Variants in SNU13 observed in about 807,000 individuals in gnomAD.
The protein encoded by SNU13 is small nuclear ribonucleoprotein 13.
SNU13 carries 2 observed loss-of-function variants against 12.4 expected under a neutral mutation model. That is an observed-to-expected ratio of 0.16 (90% CI 0.07 to 0.51). The LOEUF (loss-of-function observed/expected upper bound fraction) is 0.51. SNU13 is among the 20% of genes least tolerant of loss of function. The probability of loss-of-function intolerance (pLI) is 0.96; values close to 1 mark genes in which losing one functional copy is unlikely to be tolerated. For missense variants in SNU13, 66 were observed against 157.8 expected (o/e 0.42, Z 3.12); for synonymous variants, 68 against 66.5 (o/e 1.02, Z -0.11).
chr22:41,688,766 C>G, intron 1 of SNU13, 28 bp downstream of exon 1: 3 of 1,598,580 alleles, frequency 1.9e-6, no homozygotes, highest in Non-Finnish European at 2.6e-6. Flanking sequence ...TCCCGCTTCC[C>G]GGTCCCTCGG....
At chr22:41,675,860 C>A (rs2068208521) in intron 2 of SNU13, among the ~76,000 whole-genome samples, 1 of 151,158 alleles carries the variant, frequency 6.6e-6, no homozygotes, top group African/African-American at 2.4e-5. Context: ...AAGTGATTCT[C>A]CTGCCTCAGC....
chr22:41,675,652 C>G (rs944315210), intron 2 of SNU13, among the ~76,000 whole-genome samples: 1 of 151,878 alleles, frequency 6.6e-6, no homozygotes, highest in African/African-American at 2.4e-5. Flanking sequence ...AAACTCCTGA[C>G]CTCAAGTGAT....
chr22:41,678,536 C>T (rs2068234229), intron 2 of SNU13, among the ~76,000 whole-genome samples: 1 of 152,144 alleles, frequency 6.6e-6, no homozygotes, highest in African/African-American at 2.4e-5. Context: ...TGAGCATCTC[C>T]ATTCAAGGAC....
At position 41,688,717 on chromosome 22, in the gene SNU13, T is replaced by C; in HGVS notation, c.3+77A>G. On this transcript the variant is annotated intron_variant, in intron 1 of 2. Coordinates refer to ENST00000401959, the MANE Select transcript of SNU13 (RefSeq NM_001003796.2). Reference sequence around the variant, plus strand: ...GATGAGACGGCGCAGGCTCTAAGCCTCCATCTAACAGGCTAGGGAGTGAAC... The same window carrying C: ...GATGAGACGGCGCAGGCTCTAAGCCCCCATCTAACAGGCTAGGGAGTGAAC... 3 of 1,543,556 alleles carry C rather than the reference T, an allele frequency of 1.9e-6. No homozygotes were observed. The South Asian group carries it at 3.5e-5, about 18-fold the overall frequency.
intron 1 of SNU13, 25 bp downstream of exon 1, chr22:41,688,769 T>C: frequency 6.3e-7 from 1 of 1,598,320 alleles, no homozygotes; most frequent in Non-Finnish European, 8.6e-7. Context: ...CGCTTCCCGG[T>C]CCCTCGGCCG....
upstream of SNU13, chr22:41,690,462 T>C (rs1300689751): frequency 5.5e-6 from 4 of 728,888 alleles, no homozygotes; most frequent in Non-Finnish European, 1.0e-5. Context: ...TAACCAGGCC[T>C]GGCACCAGGG....
intron 1 of SNU13, among the ~76,000 whole-genome samples, chr22:41,681,000 T>C (rs1037209343): frequency 6.6e-6 from 1 of 152,218 alleles, no homozygotes; most frequent in African/African-American, 2.4e-5. Context: ...TGGGTAATCT[T>C]TAAATTTGAA....
In SNU13 at chr22:41,682,315, G is replaced by A. The variant is rs778171355; in HGVS notation, c.4-1951C>T. 9 of 1,580,010 alleles carry A rather than the reference G, an allele frequency of 5.7e-6. No homozygotes were observed. The African/African-American group carries it at 6.7e-5, about 12-fold the overall frequency. ...CCACGCTCGCGGCACCACAGCTCTC[G>A]GGAGGTGACCCGGAGATAATGGCCC... is the stretch of plus-strand genomic sequence containing the variant. On this transcript the variant is annotated intron_variant, in intron 1 of 2. Transcript: ENST00000401959.
intron 2 of SNU13, among the ~76,000 whole-genome samples, chr22:41,678,219 C>A (rs1226492093): frequency 1.3e-5 from 2 of 152,108 alleles, no homozygotes; most frequent in African/African-American, 2.4e-5. Context: ...TCATGATCTG[C>A]CCACCTCGGC....
chr22:41,688,089 T>C (rs2068326720), intron 1 of SNU13: 1 of 152,232 alleles, frequency 6.6e-6, no homozygotes. Flanking sequence ...GTTTTAGAAC[T>C]TTCCCTAGAT....
rs199521101 is a variant in SNU13 at position 41,680,371 on chromosome 22, G to T, written c.4-7C>A. 3,624 of 1,605,204 alleles carry T rather than the reference G, an allele frequency of 2.3e-3. 8 individuals are homozygous for T. The highest frequency in any genetic ancestry group is 2.5e-3 in the Non-Finnish European group (2,892 of 1,176,220). On this transcript the variant is annotated splice_region_variant and splice_polypyrimidine_tract_variant and intron_variant, in intron 1 of 2. Coordinates refer to ENST00000401959, the MANE Select transcript of SNU13 (RefSeq NM_001003796.2). The stretch of plus-strand genomic sequence containing the variant: ...GATTCACATCAGCCTCAGTCTATGG[G>T]GGGGACATAAAAATATCAGACAAAT...
intron 2 of SNU13, chr22:41,679,582 T>A (rs950269245): frequency 1.3e-5 from 2 of 151,196 alleles, no homozygotes; most frequent in African/African-American, 2.4e-5. Flanking sequence ...ATAAATAAAA[T>A]AAAATTAAAA....
chr22:41,677,792 C>T (rs1295876833), intron 2 of SNU13, among the ~76,000 whole-genome samples: 1 of 152,062 alleles, frequency 6.6e-6, no homozygotes, highest in East Asian at 1.9e-4. Flanking sequence ...CAGCCACACA[C>T]CAGCCTCCTT....
intron 1 of SNU13, chr22:41,682,427 C>A: frequency 6.2e-7 from 1 of 1,612,240 alleles, no homozygotes; most frequent in Non-Finnish European, 8.5e-7. Flanking sequence ...GGACGGTCTG[C>A]TGCCCAGCAC....
At chr22:41,676,426 A>G (rs886178807) in intron 2 of SNU13, among the ~76,000 whole-genome samples, 43 of 152,304 alleles carry the variant, frequency 2.8e-4, no homozygotes, top group African/African-American at 9.6e-4. Context: ...AATGACCTTG[A>G]GCAAGGTGTT....
At chr22:41,688,686 C>G in intron 1 of SNU13, 108 bp downstream of exon 1, 3 of 1,457,110 alleles carry the variant, frequency 2.1e-6, no homozygotes, top group Non-Finnish European at 2.8e-6. Context: ...AGACCCAACG[C>G]CGGCGGATGA....
chr22:41,680,868 A>AT (rs1278199349), intron 1 of SNU13, among the ~76,000 whole-genome samples: 2 of 152,024 alleles, frequency 1.3e-5, no homozygotes, highest in African/African-American at 4.8e-5. Flanking sequence ...CTAATTTTGT[A>AT]TTTTTTGTGG....
At chr22:41,678,197 G>C (rs537660612) in intron 2 of SNU13, among the ~76,000 whole-genome samples, 4 of 151,780 alleles carry the variant, frequency 2.6e-5, no homozygotes, top group Non-Finnish European at 5.9e-5. Flanking sequence ...GGATGGTCTC[G>C]ATCTCCTGAC....
At chr22:41,682,486 GC>G in intron 1 of SNU13, 1 of 1,577,008 alleles carries the variant, frequency 6.3e-7, no homozygotes. Context: ...TGACGCCACT[GC>G]CGCCAGCGGA....
Sources: gnomAD v4.1 joint callset for allele counts (sites outside exome capture counted in the v4.1 genomes callset) on GRCh38, gnomAD v4.1.1 for gene constraint, MANE v1.5 for transcripts, NCBI Gene and HGNC (gene_info 2026-07-23, HGNC 2026-07-21) for gene names.